The following RABGAP1L variants were observed in gnomAD, a reference collection of about 807,000 sequenced individuals.
RABGAP1L encodes the protein rab GTPase-activating protein 1-like.
Under a neutral mutation model 137.7 loss-of-function variants are expected in RABGAP1L, and 63 were observed. That is an observed-to-expected ratio of 0.46 (90% confidence interval 0.37 to 0.56). The LOEUF is 0.56. RABGAP1L is among the 20% of genes least tolerant of loss of function. The pLI is 0.00. For missense variants in RABGAP1L, 1,095 were observed against 1,244.0 expected, an observed-to-expected ratio of 0.88 and a Z score of 1.80; for synonymous variants, 431 against 433.7, an observed-to-expected ratio of 0.99 and a Z score of 0.08.
At chr1:174,613,641 A>G (rs1671490400) in intron 13 of RABGAP1L, among the ~76,000 whole-genome samples, 1 of 152,040 alleles carries the variant, frequency 6.6e-6, no homozygotes, top group African/African-American at 2.4e-5. Flanking sequence ...TGATCTGTCT[A>G]ATGTTGACAG....
At chr1:174,630,016 T>A (rs1446176999) in intron 13 of RABGAP1L, among the ~76,000 whole-genome samples, 2 of 151,564 alleles carry the variant, frequency 1.3e-5, no homozygotes, top group Non-Finnish European at 2.9e-5. Context: ...TTCAGTATGA[T>A]ATTGGCTGTG....
intron 19 of RABGAP1L, among the ~76,000 whole-genome samples, chr1:174,868,649 G>A (rs1415115923): frequency 1.3e-5 from 2 of 152,130 alleles, no homozygotes; most frequent in South Asian, 2.1e-4. Flanking sequence ...GGTTACAATA[G>A]ATTAATATCA....
At chr1:174,730,296 A>G (rs919368462) in intron 17 of RABGAP1L, among the ~76,000 whole-genome samples, 3 of 152,164 alleles carry the variant, frequency 2.0e-5, no homozygotes, top group Non-Finnish European at 4.4e-5. Context: ...ACACTGGAAC[A>G]ACTCTAGACT....
chr1:174,910,356 C>T (rs973945873), intron 19 of RABGAP1L, among the ~76,000 whole-genome samples: 1 of 152,026 alleles, frequency 6.6e-6, no homozygotes, highest in Non-Finnish European at 1.5e-5. Flanking sequence ...AGCCCCTCAT[C>T]AAAATGGAAG....
At chr1:174,832,544 G>A (rs1388752360) in intron 19 of RABGAP1L, among the ~76,000 whole-genome samples, 1 of 147,860 alleles carries the variant, frequency 6.8e-6, no homozygotes, top group Non-Finnish European at 1.5e-5. Context: ...ACAGAGAGTT[G>A]GTGATGGATC....
chr1:174,929,753 A>AAATT (rs1663440866), intron 19 of RABGAP1L, among the ~76,000 whole-genome samples: 1 of 140,794 alleles, frequency 7.1e-6, no homozygotes, highest in African/African-American at 2.7e-5. Flanking sequence ...GTCTCTACAA[A>AAATT]AAATAAATAA....
At chr1:174,911,075 A>C (rs1157626117) in intron 19 of RABGAP1L, among the ~76,000 whole-genome samples, 1 of 152,094 alleles carries the variant, frequency 6.6e-6, no homozygotes, top group Non-Finnish European at 1.5e-5. Flanking sequence ...TCTCGTGCTT[A>C]TTAGCCATTT....
At chr1:174,917,297 C>A (rs939339742) in intron 19 of RABGAP1L, among the ~76,000 whole-genome samples, 1 of 152,036 alleles carries the variant, frequency 6.6e-6, no homozygotes, top group Non-Finnish European at 1.5e-5. Context: ...GTTATGCTTC[C>A]AATTACATCA....
At chr1:174,307,753 A>G (rs972982643) in intron 11 of RABGAP1L, among the ~76,000 whole-genome samples, 1 of 152,124 alleles carries the variant, frequency 6.6e-6, no homozygotes, top group Non-Finnish European at 1.5e-5. Context: ...TATTTTGGCT[A>G]TTGTGAATAA....
rs145641849 is a variant in RABGAP1L at position 174,507,908 on chromosome 1, G to A, written c.1710+113763G>A. The stretch of plus-strand genomic sequence containing the variant: ...AAATGTAAAAACCATGGTTTATTTC[G>A]TTTTGTATTCTCTACAGGGTAGTGT... On this transcript the variant is annotated intron_variant, in intron 13 of 25. Coordinates refer to ENST00000681986, the MANE Select transcript of RABGAP1L (RefSeq NM_001366446.1). Among the ~76,000 whole-genome samples, 1,192 of 152,076 alleles carry A rather than the reference G, an allele frequency of 7.8e-3. 10 individuals carry two copies. Among genetic ancestry groups the A allele is most frequent in the Non-Finnish European group, 0.013 (879 of 67,934 alleles).
At position 174,389,247 on chromosome 1, in the gene RABGAP1L, G is replaced by T. The variant is rs368149870; in HGVS notation, c.1560-4748G>T. The stretch of plus-strand genomic sequence containing the variant: ...GATGGAGAAATCTCCGACCTTTCTT[G>T]ATGCCACCTCATCTTTTAATTTCAG... On this transcript the variant is annotated intron_variant, in intron 12 of 25. Coordinates refer to ENST00000681986, the MANE Select transcript of RABGAP1L (RefSeq NM_001366446.1). 3.0e-4 allele frequency among the ~76,000 whole-genome samples: 46 copies of T among 151,948 alleles called. 1 individual carries two copies. In the East Asian group the frequency reaches 8.5e-3, roughly 28 times the overall value.
intron 19 of RABGAP1L, chr1:174,849,896 T>A: frequency 1.7e-6 from 1 of 591,698 alleles, no homozygotes; most frequent in South Asian, 1.4e-5. Flanking sequence ...ATCTGAATTC[T>A]TTCAGCTCTT....
chr1:174,640,631 C>A (rs1397690226), intron 14 of RABGAP1L, among the ~76,000 whole-genome samples: 1 of 152,048 alleles, frequency 6.6e-6, no homozygotes, highest in East Asian at 1.9e-4. Context: ...CTATTCTGGA[C>A]ACCCCGCGCA....
Position 174,241,673 on chromosome 1 carries a change from T to C in RABGAP1L, c.717+16T>C, listed in dbSNP as rs1245328493. The C allele has an allele frequency of 6.3e-7, 1 of 1,576,134 alleles. No homozygotes were observed. The highest frequency in any genetic ancestry group is 8.6e-7 in the Non-Finnish European group (1 of 1,156,394). On this transcript the variant is annotated intron_variant, in intron 5 of 25. Coordinates refer to ENST00000681986, the MANE Select transcript of RABGAP1L (RefSeq NM_001366446.1). ...TAAAGAGGCAGTAAGTATAATATAG[T>C]ATAGCAATTTGCTATAGAGATGAAT...
chr1:174,770,582 C>T (rs1558061616), intron 18 of RABGAP1L, among the ~76,000 whole-genome samples: 1 of 152,204 alleles, frequency 6.6e-6, no homozygotes, highest in Non-Finnish European at 1.5e-5. Flanking sequence ...GAAATACAAG[C>T]TCCCTTGACA....
chr1:174,350,060 C>T (rs1341628176), intron 11 of RABGAP1L, among the ~76,000 whole-genome samples: 27 of 132,480 alleles, frequency 2.0e-4, no homozygotes, highest in South Asian at 2.6e-4. Flanking sequence ...CCTCACCTCC[C>T]GGACGGGGCG....
rs1191570208 is a variant in RABGAP1L, at chr1:174,718,921, C to T, written c.2169+16665C>T. Reference sequence around the variant, plus strand: ...ATGGTGCCATCTCGGCTCACCACAACCTCTGCTTCCCAGCTTCAAGCTATT... The same window carrying T: ...ATGGTGCCATCTCGGCTCACCACAATCTCTGCTTCCCAGCTTCAAGCTATT... On this transcript the variant is annotated intron_variant, in intron 17 of 25. Coordinates refer to ENST00000681986, the MANE Select transcript of RABGAP1L (RefSeq NM_001366446.1). 4.0e-5 allele frequency among the ~76,000 whole-genome samples: 6 copies of T among 151,160 alleles called. No individual in the cohort carries two copies. The South Asian group carries it at 8.4e-4, about 21-fold the overall frequency.
At position 174,522,015 on chromosome 1, in the gene RABGAP1L, G is replaced by GT. The variant is rs534230230; in HGVS notation, c.1711-115358dup. 4.1e-3 allele frequency among the ~76,000 whole-genome samples: 629 copies of GT among 152,116 alleles called. 4 individuals are homozygous for GT. Among genetic ancestry groups the GT allele is most frequent in the South Asian group, 4.4e-3 (21 of 4,822 alleles). On this transcript the variant is annotated intron_variant, in intron 13 of 25. Transcript: ENST00000681986. ...AATCCCTTGAACCCAGGAGGCGGAG[G>GT]TTGCAGTTAGCTGAGATGGTGCCAC...
At chr1:174,627,373 A>C (rs74126859) in intron 13 of RABGAP1L, among the ~76,000 whole-genome samples, 4 of 152,224 alleles carry the variant, frequency 2.6e-5, no homozygotes, top group African/African-American at 9.6e-5. Context: ...TCAATGCTGC[A>C]TTCATTTCTT....
Sources: allele counts gnomAD v4.1 joint callset (sites outside exome capture counted in the v4.1 genomes callset), GRCh38; gene constraint gnomAD v4.1.1; transcripts MANE v1.5; gene names NCBI Gene and HGNC (gene_info 2026-07-23, HGNC 2026-07-21).